The following BAZ1A variants were observed in gnomAD, a reference collection of about 807,000 sequenced individuals.
BAZ1A encodes bromodomain adjacent to zinc finger domain 1A.
Under a neutral mutation model 185.2 loss-of-function variants are expected in BAZ1A, and 50 were observed. The observed-to-expected ratio is 0.27, with a 90% confidence interval of 0.22 to 0.34. The LOEUF (loss-of-function observed/expected upper bound fraction) is 0.34. Among genes scored for constraint, BAZ1A ranks in the 10% least tolerant of loss-of-function variants. The pLI is 1.00. For missense variants in BAZ1A, 1,356 were observed against 1,839.9 expected, an observed-to-expected ratio of 0.74 and a Z score of 4.81; for synonymous variants, 571 against 615.6, an observed-to-expected ratio of 0.93 and a Z score of 1.07.
At chr14:34,859,588 G>C (rs995380893) in intron 3 of BAZ1A, among the ~76,000 whole-genome samples, 1 of 151,742 alleles carries the variant, frequency 6.6e-6, no homozygotes, top group Non-Finnish European at 1.5e-5. Flanking sequence ...TTATCCACTG[G>C]CATCTTGAGA....
At chr14:34,784,349 CTGAG>C (rs1433940577) in intron 14 of BAZ1A, among the ~76,000 whole-genome samples, 1 of 98,248 alleles carries the variant, frequency 1.0e-5, no homozygotes, top group Non-Finnish European at 1.8e-5. Flanking sequence ...ACCTGGGCAA[CTGAG>C]TGAGACTCTG....
intron 25 of BAZ1A, among the ~76,000 whole-genome samples, chr14:34,756,863 C>A (rs1401232739): frequency 6.6e-6 from 1 of 152,158 alleles, no homozygotes; most frequent in Non-Finnish European, 1.5e-5. Flanking sequence ...AGTTAGACAT[C>A]ATTCCAGACC....
At chr14:34,767,054 G>A (rs1878895420) in intron 21 of BAZ1A, among the ~76,000 whole-genome samples, 1 of 152,190 alleles carries the variant, frequency 6.6e-6, no homozygotes, top group African/African-American at 2.4e-5. Flanking sequence ...GCTCTTCAAA[G>A]CTGACATGTT....
In BAZ1A at chr14:34,862,072, C is replaced by G. The variant is rs2042778277; in HGVS notation, c.364G>C (p.Val122Leu). Residue 122 changes from valine to leucine, a missense_variant, in exon 3 of 27, where the codon GTG becomes CTG. Around this residue, in one of 7 missense-constraint regions of BAZ1A, gnomAD observed 332 missense variants for 395.3 expected, o/e 0.84. Transcript: ENST00000360310. ...VKDRYFVEET[V>L]EVIRNNGARL... ...GCACCATTGTTCCTAATGACTTCCACAGTTTCTTCGACAAAATATCGATCC... is the reference window on the plus strand; with the variant it reads ...GCACCATTGTTCCTAATGACTTCCAGAGTTTCTTCGACAAAATATCGATCC... 1.2e-6 allele frequency: 2 copies of G among 1,614,044 alleles called. No homozygotes were observed. The highest frequency in any genetic ancestry group is 2.2e-5 in the South Asian group (2 of 91,078).
At chr14:34,804,476 C>T (rs1218068049) in intron 6 of BAZ1A, among the ~76,000 whole-genome samples, 1 of 152,036 alleles carries the variant, frequency 6.6e-6, no homozygotes, top group African/African-American at 2.4e-5. Context: ...AAAAAGTTAA[C>T]AAAACAGAAA....
chr14:34,785,382 TA>T, intron 14 of BAZ1A, among the ~76,000 whole-genome samples: 1 of 152,258 alleles, frequency 6.6e-6, no homozygotes, highest in South Asian at 2.1e-4. Flanking sequence ...TGCAATTTTT[TA>T]AAAAAAGGAA....
intron 25 of BAZ1A, among the ~76,000 whole-genome samples, chr14:34,756,464 C>CTTTTTTTTTT (rs1343693112): frequency 2.8e-5 from 3 of 107,168 alleles, no homozygotes; most frequent in Non-Finnish European, 3.6e-5. Flanking sequence ...GCCAGAATAC[C>CTTTTTTTTTT]TATTTTTTTT....
intron 17 of BAZ1A, among the ~76,000 whole-genome samples, chr14:34,777,862 G>A (rs1376807596): frequency 6.6e-6 from 1 of 151,930 alleles, no homozygotes; most frequent in Non-Finnish European, 1.5e-5. Context: ...GTGGTGGTGT[G>A]CACCTGTAAT....
intron 15 of BAZ1A, 84 bp downstream of exon 15, chr14:34,783,678 C>T (rs1880205642): frequency 6.6e-7 from 1 of 1,503,894 alleles, no homozygotes; most frequent in African/African-American, 1.4e-5. Flanking sequence ...ATGAATGCCA[C>T]ATTATAGCAC....
At chr14:34,814,574 T>C (rs1198348611) in intron 4 of BAZ1A, among the ~76,000 whole-genome samples, 1 of 151,748 alleles carries the variant, frequency 6.6e-6, no homozygotes, top group African/African-American at 2.4e-5. Context: ...GCTCAAGTGA[T>C]CCTCCTATCT....
At chr14:34,781,456 T>C (rs1880034313) in intron 16 of BAZ1A, among the ~76,000 whole-genome samples, 1 of 152,054 alleles carries the variant, frequency 6.6e-6, no homozygotes, top group African/African-American at 2.4e-5. Flanking sequence ...ATCTACTCTC[T>C]ACTGATTTGC....
At chr14:34,835,211 G>T (rs1016506960) in intron 3 of BAZ1A, among the ~76,000 whole-genome samples, 1 of 151,778 alleles carries the variant, frequency 6.6e-6, no homozygotes, top group African/African-American at 2.4e-5. Context: ...ACAGGCACGC[G>T]CCACCATGCC....
At position 34,764,714 on chromosome 14, in the gene BAZ1A, C is replaced by T; in HGVS notation, c.3769G>A (p.Glu1257Lys). 1 of 1,605,568 alleles carries T rather than the reference C, an allele frequency of 6.2e-7. No homozygotes were observed. The highest frequency in any genetic ancestry group is 8.5e-7 in the Non-Finnish European group (1 of 1,175,260). ...QDEDDSQEEE[E>K]VSLPKRGRPQ... ...TTGCATGTTAGGACTTACCTGACTT[C>T]TTCCTCTTCTTGAGAGTCATCTTCA... Residue 1257 changes from glutamate to lysine, a missense_variant, in exon 23 of 27, where the codon GAA becomes AAA. By Grantham distance (56) the Glu-to-Lys change is moderately conservative. Transcript: ENST00000360310.
At position 34,801,109 on chromosome 14, in the gene BAZ1A, C is replaced by T. The variant is rs765122759; in HGVS notation, c.946G>A (p.Glu316Lys). ...TAAAACTCACCCAGTGACTTCATTT[C>T]TTCTTGTTTCAAAAGTTTATCTCTT... Reference protein sequence around the residue: ...KERDKLLKQEEMKSLAFEKAK... With the variant: ...KERDKLLKQEKMKSLAFEKAK... The change falls in exon 8 of 27, where the codon GAA becomes AAA. Residue 316 changes from glutamate to lysine, a missense_variant. Around this residue, in one of 7 missense-constraint regions of BAZ1A, gnomAD observed 332 missense variants for 395.3 expected, o/e 0.84. Coordinates refer to ENST00000360310, the MANE Select transcript of BAZ1A (RefSeq NM_013448.3). The T allele has an allele frequency of 6.3e-7, 1 of 1,596,472 alleles. No homozygotes were observed. Among genetic ancestry groups the T allele is most frequent in the South Asian group, 1.1e-5 (1 of 87,148 alleles).
intron 6 of BAZ1A, among the ~76,000 whole-genome samples, chr14:34,807,033 G>A (rs1240209869): frequency 2.7e-5 from 4 of 149,734 alleles, no homozygotes; most frequent in African/African-American, 9.8e-5. Flanking sequence ...AGGATTACAG[G>A]AGTAAGTCAC....
intron 23 of BAZ1A, among the ~76,000 whole-genome samples, chr14:34,762,928 C>T (rs1886585090): frequency 6.6e-6 from 1 of 152,160 alleles, no homozygotes; most frequent in Non-Finnish European, 1.5e-5. Context: ...ATTCTTTTGT[C>T]TCCTTTTGCT....
At chr14:34,781,883 T>C (rs745682639) in intron 16 of BAZ1A, among the ~76,000 whole-genome samples, 4 of 152,258 alleles carry the variant, frequency 2.6e-5, no homozygotes, top group African/African-American at 7.2e-5. Context: ...TGTTGAACAA[T>C]ATTCTCCTGT....
At chr14:34,754,426 A>AAAAAAAAAAAAAAAG (rs543554757) in intron 26 of BAZ1A, among the ~76,000 whole-genome samples, 34 of 122,882 alleles carry the variant, frequency 2.8e-4, no homozygotes, top group Non-Finnish European at 5.5e-4. Flanking sequence ...TCAAAAAAAA[A>AAAAAAAAAAAAAAAG]AAAAAAGAAA....
At chr14:34,864,509 C>A (rs1305666754) in intron 2 of BAZ1A, among the ~76,000 whole-genome samples, 3 of 151,554 alleles carry the variant, frequency 2.0e-5, no homozygotes, top group African/African-American at 7.3e-5. Context: ...TAAATGGAGT[C>A]CCACTCTGTC....
Sources: allele counts gnomAD v4.1 joint callset (sites outside exome capture counted in the v4.1 genomes callset), GRCh38; gene constraint gnomAD v4.1.1; regional missense constraint gnomAD v4.1.1; transcripts MANE v1.5; gene names NCBI Gene and HGNC (gene_info 2026-07-23, HGNC 2026-07-21).